The following PNKD variants were observed in gnomAD, a reference collection of about 807,000 sequenced individuals.
The protein encoded by PNKD is PNKD metallo-beta-lactamase domain containing.
In PNKD, 36 loss-of-function variants were observed where a neutral mutation model predicts 45.3. The observed-to-expected ratio is 0.80, with a 90% CI of 0.61 to 1.05. PNKD has a LOEUF of 1.05. Ranked by LOEUF, PNKD falls within the 50% of genes least tolerant of loss-of-function variation. The pLI, the probability that PNKD is intolerant of heterozygous loss-of-function variation, is 0.00. For missense variants in PNKD, 511 were observed against 506.6 expected (o/e 1.01, Z -0.08); for synonymous variants, 197 against 210.1 (o/e 0.94, Z 0.54).
chr2:218,306,201 C>A (rs549313392), intron 2 of PNKD, among the ~76,000 whole-genome samples: 1 of 152,248 alleles, frequency 6.6e-6, no homozygotes, highest in South Asian at 2.1e-4. Context: ...GTCGCTAAAA[C>A]AAGGGATGCA....
intron 2 of PNKD, among the ~76,000 whole-genome samples, chr2:218,319,216 G>A (rs551127087): frequency 5.3e-5 from 8 of 151,558 alleles, no homozygotes; most frequent in African/African-American, 1.7e-4. Context: ...GCCTCCCAAA[G>A]TGTTGGGATT....
At chr2:218,278,932 C>T in intron 2 of PNKD, 5 of 1,332,916 alleles carry the variant, frequency 3.8e-6, no homozygotes, top group South Asian at 1.3e-5. Context: ...AACTTGGGGG[C>T]CCTCTCAAAA....
At chr2:218,278,346 A>G (rs1691469916) in intron 2 of PNKD, 2 of 692,570 alleles carry the variant, frequency 2.9e-6, no homozygotes, top group East Asian at 5.4e-5. Flanking sequence ...GCTCCTAAAC[A>G]CACATGGTCC....
At chr2:218,274,367 G>T (rs1298419557) in intron 2 of PNKD, 1 of 154,704 alleles carries the variant, frequency 6.5e-6, no homozygotes, top group Non-Finnish European at 1.5e-5. Flanking sequence ...CCAGCTCAAG[G>T]CACTTAATAT....
chr2:218,308,117 CA>C (rs2106257575), intron 2 of PNKD, among the ~76,000 whole-genome samples: 1 of 113,636 alleles, frequency 8.8e-6, no homozygotes, highest in South Asian at 3.5e-4. Context: ...ATTTTAAAAG[CA>C]CAAAAAAATA....
intron 2 of PNKD, among the ~76,000 whole-genome samples, chr2:218,301,778 A>G (rs1003804976): frequency 5.9e-5 from 9 of 152,150 alleles, no homozygotes; most frequent in African/African-American, 2.2e-4. Flanking sequence ...CTGAGCTACC[A>G]TCTGTCTCAA....
chr2:218,336,836 G>A (rs1409406208), intron 2 of PNKD, among the ~76,000 whole-genome samples: 4 of 104,540 alleles, frequency 3.8e-5, no homozygotes, highest in African/African-American at 1.5e-4. Flanking sequence ...CACTCTTGTT[G>A]CCCAGGCTGG....
intron 2 of PNKD, chr2:218,287,285 T>G (rs907887309): frequency 6.6e-6 from 1 of 152,294 alleles, no homozygotes; most frequent in Non-Finnish European, 1.5e-5. Context: ...TTCTTCGTCA[T>G]GGGTTTGGAA....
chr2:218,323,367 C>G, intron 2 of PNKD: 1 of 1,582,006 alleles, frequency 6.3e-7, no homozygotes, highest in Non-Finnish European at 8.6e-7. Context: ...CCGCGGCTGC[C>G]GAGCGCGGCG....
intron 2 of PNKD, chr2:218,280,223 G>T: frequency 1.1e-6 from 1 of 891,388 alleles, no homozygotes; most frequent in Non-Finnish European, 1.9e-6. Flanking sequence ...GGGATCTCCA[G>T]CCAAAAGACA....
At chr2:218,295,631 T>C (rs2106248169) in intron 2 of PNKD, among the ~76,000 whole-genome samples, 2 of 146,590 alleles carry the variant, frequency 1.4e-5, no homozygotes, top group Admixed American at 1.4e-4. Context: ...GAGGGTGCAG[T>C]GGGGTAGAAG....
At chr2:218,338,755 AT>A (rs1694575644) in intron 2 of PNKD, among the ~76,000 whole-genome samples, 1 of 146,428 alleles carries the variant, frequency 6.8e-6, no homozygotes, top group Non-Finnish European at 1.5e-5. Context: ...AAGTGCTGGG[AT>A]TACAGGCGTG....
intron 2 of PNKD, among the ~76,000 whole-genome samples, chr2:218,312,628 T>G (rs1693650803): frequency 6.6e-6 from 1 of 150,514 alleles, no homozygotes. Flanking sequence ...ATCCCAGCAC[T>G]CTGGGAGGCC....
chr2:218,271,060 T>C, intron 1 of PNKD: 1 of 490,226 alleles, frequency 2.0e-6, no homozygotes, highest in Non-Finnish European at 3.7e-6. Context: ...TCAAAACCTT[T>C]TCCCGGATTT....
chr2:218,280,017 G>T (rs375219103), intron 2 of PNKD: 3 of 1,612,550 alleles, frequency 1.9e-6, no homozygotes, highest in African/African-American at 2.7e-5. Context: ...CTCCCAGCGC[G>T]TATCTTACCT....
chr2:218,334,203 CT>C (rs1694417883), intron 2 of PNKD, among the ~76,000 whole-genome samples: 1 of 152,088 alleles, frequency 6.6e-6, no homozygotes, highest in South Asian at 2.1e-4. Context: ...CCTCTCGCCC[CT>C]GAATACTATC....
Position 218,272,929 on chromosome 2 carries a change from A to G in PNKD, c.236+1380A>G, listed in dbSNP as rs997460532. On this transcript the variant is annotated intron_variant, in intron 2 of 9. Coordinates refer to ENST00000273077, the MANE Select transcript of PNKD (RefSeq NM_015488.5). ...CAGCCAAAGGCAAATAAAGTTATTG[A>G]GTGTTTAGTAGAAAGGAACCAGGTC... 5 of 1,488,136 alleles carry G rather than the reference A, an allele frequency of 3.4e-6. No individual in the cohort carries two copies. In the African/African-American group the frequency reaches 7.0e-5, roughly 21 times the overall value. The allele number at this position is 1,488,136 out of a possible 1,614,324, so 92.2% of individuals were successfully genotyped here.
At chr2:218,277,201 T>C in intron 2 of PNKD, 1 of 1,196,446 alleles carries the variant, frequency 8.4e-7, no homozygotes, top group South Asian at 1.2e-5. Context: ...CTAGGGGGTA[T>C]GGGAATGTCC....
At chr2:218,325,030 C>T (rs1272573146) in intron 2 of PNKD, among the ~76,000 whole-genome samples, 2 of 76,676 alleles carry the variant, frequency 2.6e-5, no homozygotes, top group Non-Finnish European at 4.3e-5. Context: ...TTTTTTGAGA[C>T]GGAGTCTCGC....
Sources: allele counts gnomAD v4.1 joint callset (sites outside exome capture counted in the v4.1 genomes callset), GRCh38; gene constraint gnomAD v4.1.1; transcripts MANE v1.5; gene names NCBI Gene and HGNC (gene_info 2026-07-23, HGNC 2026-07-21).